IFT70A: variants seen among roughly 807,000 people sequenced by gnomAD.
IFT70A encodes the protein intraflagellar transport 70A, also known as intraflagellar transport protein 70A.
the IFT70A span, chr2:177,618,577 G>A: frequency 1.0e-4 from 162 of 1,600,756 alleles, 2 homozygotes; most frequent in African/African-American, 1.9e-3. Context: ...ACGGCTCCTG[G>A]GGCTCCGCTG....
the IFT70A span, chr2:177,617,123 C>T: frequency 1.9e-6 from 3 of 1,608,980 alleles, no homozygotes; most frequent in African/African-American, 1.3e-5. Context: ...TGCTCTTCCT[C>T]CTTTTCAATC....
the IFT70A span, chr2:177,618,643 C>T: frequency 1.9e-6 from 3 of 1,608,858 alleles, no homozygotes; most frequent in South Asian, 1.1e-5. Context: ...GCGGATGAGC[C>T]GGTACACTAG....
At chr2:177,618,220 C>T in the IFT70A span, 1 of 1,614,268 alleles carries the variant, frequency 6.2e-7, no homozygotes, top group Non-Finnish European at 8.5e-7. Flanking sequence ...GAGCAAACAA[C>T]CCAGGTTGAC....
the IFT70A span, chr2:177,616,721 T>C: frequency 1.2e-4 from 182 of 1,533,126 alleles, no homozygotes; most frequent in African/African-American, 2.1e-3. Flanking sequence ...TTCCATCCTA[T>C]AATCTCATAA....
the IFT70A span, chr2:177,613,645 T>C: frequency 6.6e-6 from 1 of 152,170 alleles, no homozygotes; most frequent in Non-Finnish European, 1.5e-5. Flanking sequence ...ATGCCATGAG[T>C]GCTGGTGAAA....
the IFT70A span, chr2:177,618,549 T>C: frequency 6.3e-7 from 1 of 1,595,722 alleles, no homozygotes; most frequent in Non-Finnish European, 8.5e-7. Context: ...AGCAGTAGCC[T>C]AGCAGCGACA....
chr2:177,613,955 T>TTA, the IFT70A span: 911 of 152,284 alleles, frequency 6.0e-3, 8 homozygotes, highest in African/African-American at 0.021. Flanking sequence ...TAACAAATGC[T>TTA]TATTTTTCAC....
At chr2:177,618,503 A>G in the IFT70A span, 2 of 1,586,624 alleles carry the variant, frequency 1.3e-6, no homozygotes, top group Non-Finnish European at 1.7e-6. Flanking sequence ...TGCTCATAGC[A>G]CTCGGCCGCC....
At chr2:177,618,327 G>A in the IFT70A span, 2 of 1,613,862 alleles carry the variant, frequency 1.2e-6, no homozygotes, top group Non-Finnish European at 1.7e-6. Flanking sequence ...GATCGCCCTC[G>A]CTATACTTGA....
chr2:177,618,230 C>T, the IFT70A span: 756 of 1,614,234 alleles, frequency 4.7e-4, 3 homozygotes, highest in Admixed American at 1.4e-3. Flanking sequence ...CCCAGGTTGA[C>T]CTGGCCATCG....
At chr2:177,616,818 A>T in the IFT70A span, 3 of 1,601,858 alleles carry the variant, frequency 1.9e-6, no homozygotes, top group African/African-American at 4.0e-5. Flanking sequence ...GTTCAATAAC[A>T]GCAGGTATGT....
the IFT70A span, chr2:177,616,619 T>G: frequency 3.3e-6 from 4 of 1,223,200 alleles, no homozygotes; most frequent in Admixed American, 1.1e-4. Context: ...ATAAGACAAA[T>G]ATAAAGATGC....
At chr2:177,618,406 G>C in the IFT70A span, 1 of 1,612,828 alleles carries the variant, frequency 6.2e-7, no homozygotes, top group South Asian at 1.1e-5. Flanking sequence ...GGCGACCCGA[G>C]TGGCCTCCGG....
chr2:177,618,705 C>G, the IFT70A span: 4 of 1,561,382 alleles, frequency 2.6e-6, no homozygotes, highest in Non-Finnish European at 3.5e-6. Flanking sequence ...CAGCCATAAC[C>G]ACCACGGCTG....
chr2:177,616,775 T>C, the IFT70A span: 1 of 1,586,048 alleles, frequency 6.3e-7, no homozygotes, highest in Non-Finnish European at 8.6e-7. Context: ...ACTGTATTCT[T>C]CCCAACATGC....
At chr2:177,613,665 A>T in the IFT70A span, 4 of 152,318 alleles carry the variant, frequency 2.6e-5, no homozygotes, top group East Asian at 7.7e-4. Context: ...ACTTTTAGTC[A>T]TGTGTCCTCT....
chr2:177,615,598 G>A, the IFT70A span: 1 of 152,022 alleles, frequency 6.6e-6, no homozygotes, highest in African/African-American at 2.4e-5. Flanking sequence ...AACATTTACT[G>A]TAAGCCAAAA....
At chr2:177,618,082 G>T in the IFT70A span, 7 of 1,614,238 alleles carry the variant, frequency 4.3e-6, no homozygotes, top group Admixed American at 1.0e-4. Flanking sequence ...ATGCTTCAGT[G>T]CTGAGGCATA....
chr2:177,615,863 G>A, the IFT70A span: 1 of 151,962 alleles, frequency 6.6e-6, no homozygotes, highest in Non-Finnish European at 1.5e-5. Flanking sequence ...TCAGTTCAGT[G>A]CTTATTTTTT....
Sources: gnomAD v4.1 joint callset for allele counts on GRCh38, gnomAD v4.1.1 for gene constraint, MANE v1.5 for transcripts, NCBI Gene and HGNC (gene_info 2026-07-23, HGNC 2026-07-21) for gene names.